The following DNAJB9 variants were observed in gnomAD, a reference collection of about 807,000 sequenced individuals.
The protein encoded by DNAJB9 is dnaJ homolog subfamily B member 9.
In DNAJB9, 12 loss-of-function variants were observed where a neutral mutation model predicts 19.2. The ratio of observed to expected loss-of-function variants is 0.62; its 90% CI spans 0.40 to 1.01. The LOEUF is 1.01. Among genes scored for constraint, DNAJB9 ranks in the 50% least tolerant of loss-of-function variants. The pLI is 0.00. For synonymous variants in DNAJB9, 83 were observed against 84.0 expected (o/e 0.99, Z 0.07); for missense variants, 272 against 261.1 (o/e 1.04, Z -0.29).
At chr7:108,571,556 T>A (rs945946133) in intron 1 of DNAJB9, among the ~76,000 whole-genome samples, 161 bp from the exon 2 acceptor site, 5 of 152,150 alleles carry the variant, frequency 3.3e-5, no homozygotes, top group Non-Finnish European at 5.9e-5. Flanking sequence ...AGTTTGAGAG[T>A]TATAAAACTA....
Position 108,573,129 on chromosome 7 carries a change from A to T in DNAJB9, c.448A>T (p.Ser150Cys), listed in dbSNP as rs769393265. 8 of 1,614,100 alleles carry T rather than the reference A, an allele frequency of 5.0e-6. No individual in the cohort carries two copies. The highest frequency in any genetic ancestry group is 6.8e-6 in the Non-Finnish European group (8 of 1,179,940). The change falls in exon 3 of 3, where the codon AGT (serine) becomes TGT (cysteine). Residue 150 changes from serine (S) to cysteine (C), a missense_variant. Physicochemically the swap from Ser to Cys is moderately radical, Grantham distance 112. Transcript: ENST00000249356. ...HFQTRQDGGS[S>C]RQRHHFQEFS... ...CCAGACACGCCAGGATGGTGGTTCC[A>T]GTAGACAAAGGCATCATTTCCAAGA...
chr7:108,572,495 T>C (rs1790634574), intron 2 of DNAJB9, among the ~76,000 whole-genome samples: 1 of 152,176 alleles, frequency 6.6e-6, no homozygotes, highest in African/African-American at 2.4e-5. Flanking sequence ...ACAGTTTACT[T>C]TAGTAAGGAG....
chr7:108,571,669 T>G (rs1790622644), intron 1 of DNAJB9, 48 bp from the exon 2 acceptor site: 8 of 1,508,362 alleles, frequency 5.3e-6, no homozygotes, highest in Non-Finnish European at 7.2e-6. Context: ...AGAAAAACGT[T>G]TTAAGATTAG....
rs1335883755 is a variant in DNAJB9, at chr7:108,574,279, A to T, written c.*926A>T. 2 of 152,484 alleles carry T rather than the reference A, an allele frequency of 1.3e-5. No individual in the cohort carries two copies. The highest frequency in any genetic ancestry group is 2.9e-5 in the Non-Finnish European group (2 of 67,998). The allele number at this position is 152,484 out of a possible 1,614,324, so 9.4% of individuals were successfully genotyped here. ...TGTGCTTTTGTTTTCGGATAGACTT[A>T]TTTCTTTAGTTCTGCACTTTTCCAC... On this transcript the variant is annotated 3_prime_UTR_variant, in exon 3 of 3. Transcript: ENST00000249356.
rs1341765526 is a variant in DNAJB9 at position 108,573,412 on chromosome 7, T to C, written c.*59T>C. On this transcript the variant is annotated 3_prime_UTR_variant, in exon 3 of 3. Coordinates refer to ENST00000249356, the MANE Select transcript of DNAJB9 (RefSeq NM_012328.3). ...GACTCTTCCTCATTATCTTTGATGCTAAACAATTTTCTGTGAACTATTTTG... is the reference window on the plus strand; with the variant it reads ...GACTCTTCCTCATTATCTTTGATGCCAAACAATTTTCTGTGAACTATTTTG... The C allele has an allele frequency of 7.7e-7, 1 of 1,296,264 alleles. No homozygotes were observed. Among genetic ancestry groups the C allele is most frequent in the East Asian group, 2.4e-5 (1 of 41,674 alleles). The allele number at this position is 1,296,264 out of a possible 1,614,324, so 80.3% of individuals were successfully genotyped here. A position where few individuals can be genotyped will look rare whatever the true frequency, so the allele number is the denominator to read the frequency against.
intron 1 of DNAJB9, among the ~76,000 whole-genome samples, chr7:108,571,301 T>A (rs1030126284): frequency 5.2e-4 from 78 of 150,510 alleles, no homozygotes; most frequent in African/African-American, 1.9e-3. Flanking sequence ...TTTTTTTTAA[T>A]GTTTTTTTTT....
At chr7:108,572,299 A>G (rs1314601983) in intron 2 of DNAJB9, among the ~76,000 whole-genome samples, 2 of 152,216 alleles carry the variant, frequency 1.3e-5, no homozygotes, top group African/African-American at 2.4e-5. Flanking sequence ...AACATTAAAG[A>G]CTTAAAAATT....
rs769638274 is a variant in DNAJB9 at position 108,573,001 on chromosome 7, T to C, written c.320T>C (p.Phe107Ser). Residue 107 changes from phenylalanine to serine, a missense_variant, in exon 3 of 3, where the codon TTT (phenylalanine) becomes TCT (serine). Physicochemically the swap from Phe to Ser is radical, Grantham distance 155. Coordinates refer to ENST00000249356, the MANE Select transcript of DNAJB9 (RefSeq NM_012328.3). ...GGACAAAGAGGTAGTGGAAGTTCTT[T>C]TGAGCAGTCATTTAACTTCAATTTT... ...GKGQRGSGSS[F>S]EQSFNFNFDD... 10 of 1,613,954 alleles carry C rather than the reference T, an allele frequency of 6.2e-6. No individual in the cohort carries two copies. The highest frequency in any genetic ancestry group is 7.6e-6 in the Non-Finnish European group (9 of 1,179,966).
chr7:108,574,190 T>C lies in DNAJB9; in HGVS notation c.*837T>C, dbSNP rs1419064494. On this transcript the variant is annotated 3_prime_UTR_variant, in exon 3 of 3. Coordinates refer to ENST00000249356, the MANE Select transcript of DNAJB9 (RefSeq NM_012328.3). The stretch of plus-strand genomic sequence containing the variant: ...ATTGACTGATACCTCATTCTGTTTG[T>C]AAAACCAGCCAGTAATTTCTGTGCA... The C allele has an allele frequency of 6.6e-6, 1 of 152,632 alleles. No individual in the cohort carries two copies. The highest frequency in any genetic ancestry group is 1.9e-4 in the East Asian group (1 of 5,204). The allele number at this position is 152,632 out of a possible 1,614,324, so 9.5% of individuals were successfully genotyped here. A position where few individuals can be genotyped will look rare whatever the true frequency, so the allele number is the denominator to read the frequency against.
rs765058678 is a variant in DNAJB9, at chr7:108,572,944, C to G, written c.263C>G (p.Thr88Arg). 5.6e-6 allele frequency: 9 copies of G among 1,613,922 alleles called. No homozygotes were observed. The highest frequency in any genetic ancestry group is 3.3e-5 in the Admixed American group (2 of 60,012). ...GCTAATAGACGAAAAGAGTATGATA[C>G]ACTTGGACACAGTGCTTTTACTAGT... Reference protein sequence around the residue: ...SDANRRKEYDTLGHSAFTSGK... With the variant: ...SDANRRKEYDRLGHSAFTSGK... Residue 88 changes from threonine to arginine, a missense_variant, in exon 3 of 3, where the codon ACA becomes AGA. Coordinates refer to ENST00000249356, the MANE Select transcript of DNAJB9 (RefSeq NM_012328.3).
Position 108,572,883 on chromosome 7 carries a change from T to G in DNAJB9, c.218-16T>G, listed in dbSNP as rs1028251860. ...ATTTTACCTTCAGTTACTAAAAATA[T>G]TTTTGTCACTTTCAGCATATGAAAC... On this transcript the variant is annotated splice_polypyrimidine_tract_variant and intron_variant, in intron 2 of 2. Transcript: ENST00000249356. 1.2e-5 allele frequency: 19 copies of G among 1,569,314 alleles called. No individual in the cohort carries two copies. Among genetic ancestry groups the G allele is most frequent in the Non-Finnish European group, 1.5e-5 (17 of 1,158,166 alleles).
In DNAJB9 at chr7:108,571,854, A is replaced by T; in HGVS notation, c.128A>T (p.Lys43Met). The change falls in exon 2 of 3, where the codon AAG becomes ATG. Residue 43 changes from lysine (K) to methionine (M), a missense_variant. By Grantham distance (95) the Lys-to-Met change is moderately conservative. Transcript: ENST00000249356. ...VPKSASERQIKKAFHKLAMKY... is the reference protein window; with the variant it reads ...VPKSASERQIMKAFHKLAMKY... ...AAATCGGCATCAGAGCGCCAAATCA[A>T]GAAGGCCTTTCACAAGTTGGCCATG... 1 of 1,614,220 alleles carries T rather than the reference A, an allele frequency of 6.2e-7. No individual in the cohort carries two copies. The highest frequency in any genetic ancestry group is 8.5e-7 in the Non-Finnish European group (1 of 1,180,034).
intron 2 of DNAJB9, among the ~76,000 whole-genome samples, chr7:108,572,460 T>G (rs1410270835): frequency 6.6e-6 from 1 of 152,192 alleles, no homozygotes; most frequent in Admixed American, 6.5e-5. Flanking sequence ...TGGATGGAGG[T>G]AACTGAGTAG....
Position 108,571,742 on chromosome 7 carries a change from T to C in DNAJB9, c.16T>C (p.Ser6Pro). 1 of 1,613,924 alleles carries C rather than the reference T, an allele frequency of 6.2e-7. No homozygotes were observed. Among genetic ancestry groups the C allele is most frequent in the Non-Finnish European group, 8.5e-7 (1 of 1,179,866 alleles). ...GATATTAGAAATGGCTACTCCCCAG[T>C]CAATTTTCATCTTTGCAATCTGCAT... MATPQ[S>P]IFIFAICILM... Residue 6 changes from serine (S) to proline (P), a missense_variant, in exon 2 of 3, where the codon TCA becomes CCA. Coordinates refer to ENST00000249356, the MANE Select transcript of DNAJB9 (RefSeq NM_012328.3).
chr7:108,569,979 T>G lies in DNAJB9; in HGVS notation c.-135T>G, dbSNP rs2154518225. 8.6e-6 allele frequency: 2 copies of G among 231,926 alleles called. No individual in the cohort carries two copies. Among genetic ancestry groups the G allele is most frequent in the Non-Finnish European group, 1.8e-5 (2 of 113,828 alleles). 14.4% of individuals were successfully genotyped at this position (231,926 alleles called of 1,614,324 possible). ...CGCTAGGTCGGTGTACGACCGAGAT[T>G]AGGGTGCGTGCCAGCTCCGGGAGGC... is the stretch of plus-strand genomic sequence containing the variant. On this transcript the variant is annotated 5_prime_UTR_variant, in exon 1 of 3. In the 5' UTR this introduces an upstream ATG that the reference lacks. Transcript: ENST00000249356.
rs1564014302 is a variant in DNAJB9 at position 108,571,803 on chromosome 7, G to T, written c.77G>T (p.Ser26Ile). 6.2e-7 allele frequency: 1 copy of T among 1,614,034 alleles called. No homozygotes were observed. Among genetic ancestry groups the T allele is most frequent in the East Asian group, 2.2e-5 (1 of 44,876 alleles). Residue 26 changes from serine (S) to isoleucine (I), a missense_variant, in exon 2 of 3, where the codon AGC becomes ATC. Coordinates refer to ENST00000249356, the MANE Select transcript of DNAJB9 (RefSeq NM_012328.3). ...ACAGAATTAATTCTGGCCTCAAAAA[G>T]CTACTATGATATCTTAGGTGTGCCA... ...MITELILASK[S>I]YYDILGVPKS...
At position 108,571,960 on chromosome 7, in the gene DNAJB9, C is replaced by G; in HGVS notation, c.217+17C>G. 1 of 1,608,068 alleles carries G rather than the reference C, an allele frequency of 6.2e-7. No homozygotes were observed. Among genetic ancestry groups the G allele is most frequent in the Non-Finnish European group, 8.5e-7 (1 of 1,174,622 alleles). On this transcript the variant is annotated intron_variant, in intron 2 of 2. Transcript: ENST00000249356. ...TTGCAGAAGGTAAATAAATGACAAT[C>G]TCTGAAGTGTCATGGGTATTAACTA...
chr7:108,570,335 C>T (rs1790597048), intron 1 of DNAJB9, among the ~76,000 whole-genome samples: 1 of 151,944 alleles, frequency 6.6e-6, no homozygotes, highest in Non-Finnish European at 1.5e-5. Flanking sequence ...GGGTCTCGGG[C>T]AGCTTCTGCG....
chr7:108,573,352 A>G lies in DNAJB9; in HGVS notation c.671A>G (p.Ter224TrpextTer7). ...VTTYTDCSGQ[*>W] ...ACATACACTGACTGTTCAGGACAGT[A>G]GTTCTTATTCTATTCTCACTAAATC... Residue 224 changes from the stop codon to tryptophan, a stop_lost, in exon 3 of 3, where the codon TAG (stop) becomes TGG (tryptophan). Coordinates refer to ENST00000249356, the MANE Select transcript of DNAJB9 (RefSeq NM_012328.3). The G allele has an allele frequency of 6.5e-7, 1 of 1,543,190 alleles. No homozygotes were observed.
Sources: gnomAD v4.1 joint callset for allele counts (sites outside exome capture counted in the v4.1 genomes callset) on GRCh38, gnomAD v4.1.1 for gene constraint, MANE v1.5 for transcripts, NCBI Gene and HGNC (gene_info 2026-07-23, HGNC 2026-07-21) for gene names.